The following OR2C1 variants were observed in gnomAD, a reference collection of about 807,000 sequenced individuals.
The protein encoded by OR2C1 is olfactory receptor 2C1.
For missense variants in OR2C1, 468 were observed against 388.3 expected (o/e 1.21, Z -1.73); for synonymous variants, 209 against 167.3 (o/e 1.25, Z -1.92).
At chr16:3,337,593 T>C in the OR2C1 span, among the ~76,000 whole-genome samples, 1 of 152,332 alleles carries the variant, frequency 6.6e-6, no homozygotes, top group South Asian at 2.1e-4. Context: ...TGTTTGATTT[T>C]TTTTAAATTA....
upstream of OR2C1, among the ~76,000 whole-genome samples, chr16:3,353,214 G>A (rs575980302): frequency 1.1e-4 from 16 of 151,944 alleles, 1 homozygote; most frequent in South Asian, 1.7e-3. Context: ...TAAGTAGGCC[G>A]GTCGCGGTGG....
chr16:3,355,465 A>AAAAAAAAAAAAAAAAC (rs1382052254), upstream of OR2C1, among the ~76,000 whole-genome samples: 103 of 141,738 alleles, frequency 7.3e-4, 2 homozygotes, highest in Non-Finnish European at 1.3e-3. Context: ...CTCAAAAAAA[A>AAAAAAAAAAAAAAAAC]AAAAAAAGCT....
the OR2C1 span, among the ~76,000 whole-genome samples, chr16:3,341,005 T>A: frequency 6.6e-6 from 1 of 151,766 alleles, no homozygotes. Flanking sequence ...CCACTGAAAA[T>A]TTTTTTAGGG....
At chr16:3,334,543 G>A in the OR2C1 span, among the ~76,000 whole-genome samples, 1 of 148,622 alleles carries the variant, frequency 6.7e-6, no homozygotes, top group African/African-American at 2.5e-5. Flanking sequence ...CTCCCAAAGT[G>A]CAGGTATTGG....
At chr16:3,334,223 C>T in the OR2C1 span, among the ~76,000 whole-genome samples, 231 of 151,732 alleles carry the variant, frequency 1.5e-3, no homozygotes, top group East Asian at 0.022. Context: ...CTGCAACTTC[C>T]GCCTCCCGGG....
the OR2C1 span, among the ~76,000 whole-genome samples, chr16:3,331,967 A>G: frequency 6.6e-6 from 1 of 151,754 alleles, no homozygotes; most frequent in Non-Finnish European, 1.5e-5. Context: ...TCATTAAACT[A>G]TCATAAGAAC....
the OR2C1 span, among the ~76,000 whole-genome samples, chr16:3,349,021 G>T: frequency 1.3e-5 from 2 of 151,892 alleles, no homozygotes; most frequent in Non-Finnish European, 2.9e-5. Flanking sequence ...CAGGAGTCAG[G>T]TCACTCCTGT....
At chr16:3,350,500 C>T in the OR2C1 span, among the ~76,000 whole-genome samples, 1 of 151,580 alleles carries the variant, frequency 6.6e-6, no homozygotes, top group Non-Finnish European at 1.5e-5. Context: ...CAAGCTCCAC[C>T]TTCCGGGTTC....
At chr16:3,329,217 T>A in the OR2C1 span, among the ~76,000 whole-genome samples, 60 of 59,090 alleles carry the variant, frequency 1.0e-3, no homozygotes, top group Non-Finnish European at 1.5e-3. Flanking sequence ...CACACACAGC[T>A]TAGCTATGGA....
chr16:3,348,878 G>C, the OR2C1 span, among the ~76,000 whole-genome samples: 2 of 151,910 alleles, frequency 1.3e-5, no homozygotes, highest in African/African-American at 4.8e-5. Flanking sequence ...CCTGATTTGT[G>C]GTTTATGTTG....
the OR2C1 span, chr16:3,323,801 C>T: frequency 2.8e-5 from 24 of 847,726 alleles, no homozygotes; most frequent in African/African-American, 1.0e-4. Flanking sequence ...TTTTCCTTTC[C>T]GCTGCTCCTT....
chr16:3,326,294 G>A, the OR2C1 span, among the ~76,000 whole-genome samples: 1 of 151,830 alleles, frequency 6.6e-6, no homozygotes, highest in South Asian at 2.1e-4. Context: ...CCTACACCAG[G>A]CAAAATGATG....
the OR2C1 span, among the ~76,000 whole-genome samples, chr16:3,327,135 A>T: frequency 6.6e-6 from 1 of 152,166 alleles, no homozygotes; most frequent in Non-Finnish European, 1.5e-5. Flanking sequence ...TATGGAAGTT[A>T]TCAAACATAT....
the OR2C1 span, among the ~76,000 whole-genome samples, chr16:3,336,095 C>CT: frequency 6.6e-6 from 1 of 152,130 alleles, no homozygotes; most frequent in Non-Finnish European, 1.5e-5. Context: ...TGTATGCCTT[C>CT]TATACCTAGG....
At chr16:3,328,919 A>G in the OR2C1 span, among the ~76,000 whole-genome samples, 2 of 151,998 alleles carry the variant, frequency 1.3e-5, no homozygotes, top group Admixed American at 1.3e-4. Context: ...CTTTATCACC[A>G]AGGTAGCTGA....
At chr16:3,323,238 G>A in the OR2C1 span, 9 of 769,318 alleles carry the variant, frequency 1.2e-5, no homozygotes, top group Admixed American at 6.9e-5. Flanking sequence ...ATAGCCAGAT[G>A]TGCCCATCTC....
At chr16:3,345,321 A>T in the OR2C1 span, among the ~76,000 whole-genome samples, 2 of 151,460 alleles carry the variant, frequency 1.3e-5, no homozygotes, top group African/African-American at 4.9e-5. Flanking sequence ...CGTCTCTACT[A>T]AAAAAATACA....
At chr16:3,350,055 C>CTTT in the OR2C1 span, among the ~76,000 whole-genome samples, 33,221 of 102,706 alleles carry the variant, frequency 0.32, 6,652 homozygotes, top group African/African-American at 0.4. Context: ...AAAAGGGAAT[C>CTTT]TTTTTTTTTT....
the OR2C1 span, among the ~76,000 whole-genome samples, chr16:3,338,075 T>C: frequency 6.6e-6 from 1 of 152,074 alleles, no homozygotes; most frequent in Admixed American, 6.6e-5. Flanking sequence ...ATGGGGAAGG[T>C]CCCAAAGTGC....
Sources: gnomAD v4.1 joint callset for allele counts (sites outside exome capture counted in the v4.1 genomes callset) on GRCh38, gnomAD v4.1.1 for gene constraint, MANE v1.5 for transcripts, NCBI Gene and HGNC (gene_info 2026-07-23, HGNC 2026-07-21) for gene names.